Variants in MCC observed in about 807,000 individuals in gnomAD.
The protein encoded by MCC is MCC regulator of Wnt signaling pathway.
Under a neutral mutation model 116.2 loss-of-function variants are expected in MCC, and 90 were observed. The ratio of observed to expected loss-of-function variants is 0.77; its 90% CI spans 0.65 to 0.92. The LOEUF (loss-of-function observed/expected upper bound fraction) is 0.92. Among genes scored for constraint, MCC ranks in the 40% least tolerant of loss-of-function variants. The pLI, the probability that MCC is intolerant of heterozygous loss-of-function variation, is 0.00. For synonymous variants in MCC, 578 were observed against 510.5 expected, an observed-to-expected ratio of 1.13 and a Z score of -1.78; for missense variants, 1,516 against 1,312.2, an observed-to-expected ratio of 1.16 and a Z score of -2.40.
chr5:113,104,105 T>G, intron 7 of MCC, 87 bp downstream of exon 7: 1 of 1,315,966 alleles, frequency 7.6e-7, no homozygotes, highest in Non-Finnish European at 1.0e-6. Flanking sequence ...CTAGTAAGTA[T>G]TTAAGAAAAC....
intron 1 of MCC, among the ~76,000 whole-genome samples, chr5:113,483,465 T>C (rs1772431579): frequency 6.6e-6 from 1 of 152,204 alleles, no homozygotes; most frequent in African/African-American, 2.4e-5. Context: ...GATGCAGATA[T>C]ATCACTGGGA....
chr5:113,276,042 C>A (rs1765813176), intron 3 of MCC, among the ~76,000 whole-genome samples: 1 of 150,672 alleles, frequency 6.6e-6, no homozygotes, highest in Non-Finnish European at 1.5e-5. Context: ...CTGTCAAAGG[C>A]CACAGGTGGC....
At chr5:113,207,936 C>T (rs1048190639) in intron 3 of MCC, among the ~76,000 whole-genome samples, 1 of 152,182 alleles carries the variant, frequency 6.6e-6, no homozygotes, top group Non-Finnish European at 1.5e-5. Context: ...CTACTGGGGA[C>T]TTCAATCGTG....
chr5:113,370,747 A>G (rs186067672), intron 2 of MCC, among the ~76,000 whole-genome samples: 29 of 152,348 alleles, frequency 1.9e-4, no homozygotes, highest in Admixed American at 6.5e-4. Context: ...ATTTTCCAGC[A>G]TTGAACATAT....
chr5:113,034,458 G>C (rs563306883), intron 17 of MCC, among the ~76,000 whole-genome samples: 1 of 152,264 alleles, frequency 6.6e-6, no homozygotes, highest in East Asian at 1.9e-4. Context: ...GCGGTACTCT[G>C]TGATTAGAGT....
At chr5:113,417,476 C>T (rs1218188178) in intron 1 of MCC, among the ~76,000 whole-genome samples, 1 of 152,200 alleles carries the variant, frequency 6.6e-6, no homozygotes, top group Admixed American at 6.5e-5. Context: ...TTTCCCTGTG[C>T]ACCAGTGCAG....
chr5:113,222,876 G>A (rs890403003), intron 3 of MCC, among the ~76,000 whole-genome samples: 25 of 152,188 alleles, frequency 1.6e-4, no homozygotes, highest in Admixed American at 1.2e-3. Context: ...GGGGTAGGAT[G>A]TAGGAGTCTT....
chr5:113,092,177 C>G (rs1755692129), intron 8 of MCC, among the ~76,000 whole-genome samples: 1 of 151,942 alleles, frequency 6.6e-6, no homozygotes, highest in South Asian at 2.1e-4. Flanking sequence ...CCTTGTACGG[C>G]AAAAGGGAAC....
intron 11 of MCC, among the ~76,000 whole-genome samples, chr5:113,071,645 A>G (rs116687851): frequency 1.3e-5 from 2 of 152,320 alleles, no homozygotes; most frequent in African/African-American, 2.4e-5. Context: ...AGTCATGGCT[A>G]TTTGTTAAGC....
chr5:113,185,512 G>A (rs1252793322), intron 3 of MCC, among the ~76,000 whole-genome samples: 2 of 152,120 alleles, frequency 1.3e-5, no homozygotes, highest in African/African-American at 4.8e-5. Context: ...CAACCAACAG[G>A]AGATTAGAAG....
At chr5:113,398,970 A>T (rs1010470758) in intron 1 of MCC, among the ~76,000 whole-genome samples, 1 of 152,212 alleles carries the variant, frequency 6.6e-6, no homozygotes, top group African/African-American at 2.4e-5. Context: ...TTAAGTTTAC[A>T]TTTAAATTAA....
intron 3 of MCC, among the ~76,000 whole-genome samples, chr5:113,257,385 A>T (rs1765054213): frequency 6.6e-6 from 1 of 152,162 alleles, no homozygotes; most frequent in Non-Finnish European, 1.5e-5. Flanking sequence ...AATGGGGCAG[A>T]CGGAGCAACA....
chr5:113,389,697 T>G (rs1265623592), intron 1 of MCC, among the ~76,000 whole-genome samples: 1 of 152,186 alleles, frequency 6.6e-6, no homozygotes, highest in Non-Finnish European at 1.5e-5. Context: ...TGATGCTACG[T>G]CAATTCCCTT....
At chr5:113,150,760 T>C (rs1759810104) in intron 4 of MCC, among the ~76,000 whole-genome samples, 1 of 152,128 alleles carries the variant, frequency 6.6e-6, no homozygotes, top group Admixed American at 6.6e-5. Flanking sequence ...AGAAAATTAA[T>C]ATTAACAAGA....
chr5:113,463,617 A>G (rs1771813131), intron 1 of MCC, among the ~76,000 whole-genome samples: 1 of 152,176 alleles, frequency 6.6e-6, no homozygotes. Context: ...TTGTGGGAAG[A>G]ATCCTGAATC....
intron 1 of MCC, among the ~76,000 whole-genome samples, chr5:113,456,331 T>A (rs1771545470): frequency 6.6e-6 from 1 of 152,228 alleles, no homozygotes; most frequent in African/African-American, 2.4e-5. Context: ...GTATCTTTTA[T>A]CTAAAATGCT....
At chr5:113,063,142 C>T (rs1753339077) in intron 14 of MCC, among the ~76,000 whole-genome samples, 1 of 152,214 alleles carries the variant, frequency 6.6e-6, no homozygotes, top group Non-Finnish European at 1.5e-5. Flanking sequence ...AGTTACCCTT[C>T]CAAGTCTTTC....
At chr5:113,386,533 T>C (rs1193091286) in intron 1 of MCC, among the ~76,000 whole-genome samples, 1 of 152,132 alleles carries the variant, frequency 6.6e-6, no homozygotes, top group African/African-American at 2.4e-5. Context: ...TAGGTTAGTC[T>C]TCTCCCCGAA....
chr5:113,060,146 TTTTG>T (rs201966856), intron 14 of MCC, among the ~76,000 whole-genome samples: 11,719 of 151,768 alleles, frequency 0.077, 568 homozygotes, highest in East Asian at 0.22. Context: ...GAGCAGCTCT[TTTTG>T]TTTGTTTGTT....
Sources: gnomAD v4.1 joint callset for allele counts (sites outside exome capture counted in the v4.1 genomes callset) on GRCh38, gnomAD v4.1.1 for gene constraint, MANE v1.5 for transcripts, NCBI Gene and HGNC (gene_info 2026-07-23, HGNC 2026-07-21) for gene names.